Variants in GRID2 observed in about 807,000 individuals in gnomAD.
The protein encoded by GRID2 is glutamate receptor ionotropic, delta-2.
Under a neutral mutation model 114.8 loss-of-function variants are expected in GRID2, and 33 were observed. The ratio of observed to expected loss-of-function variants is 0.29; its 90% confidence interval spans 0.22 to 0.38. The LOEUF (loss-of-function observed/expected upper bound fraction) is 0.38. Among genes scored for constraint, GRID2 ranks in the 10% least tolerant of loss-of-function variants. The pLI is 1.00. For missense variants in GRID2, 1,184 were observed against 1,257.7 expected (o/e 0.94, Z 0.89); for synonymous variants, 505 against 449.9 (o/e 1.12, Z -1.55).
chr4:93,152,874 A>T (rs1169829505), intron 4 of GRID2, among the ~76,000 whole-genome samples: 1 of 152,140 alleles, frequency 6.6e-6, no homozygotes, highest in Non-Finnish European at 1.5e-5. Flanking sequence ...GTTTAAAAAA[A>T]TCCTGATGAA....
chr4:93,212,992 C>T (rs1322814149), intron 5 of GRID2, among the ~76,000 whole-genome samples: 2 of 152,008 alleles, frequency 1.3e-5, no homozygotes, highest in East Asian at 3.9e-4. Context: ...AGGCTGGTCT[C>T]GAACTCCTGA....
At chr4:93,730,543 C>T (rs1357633492) in intron 14 of GRID2, among the ~76,000 whole-genome samples, 1 of 152,170 alleles carries the variant, frequency 6.6e-6, no homozygotes, top group Non-Finnish European at 1.5e-5. Context: ...AACTGGAGAG[C>T]CAAGAGAGCA....
At chr4:92,766,001 T>A (rs1738245602) in intron 2 of GRID2, among the ~76,000 whole-genome samples, 1 of 151,562 alleles carries the variant, frequency 6.6e-6, no homozygotes, top group Non-Finnish European at 1.5e-5. Context: ...ACTTATTATA[T>A]GTAAGTGATC....
At chr4:92,353,433 A>G (rs1728168282) in intron 1 of GRID2, among the ~76,000 whole-genome samples, 1 of 151,908 alleles carries the variant, frequency 6.6e-6, no homozygotes, top group South Asian at 2.1e-4. Context: ...TGACTTTTAA[A>G]TATTAAAATG....
In GRID2 at chr4:92,723,989, G is replaced by A. The variant is rs573350221; in HGVS notation, c.244+133703G>A. 2.0e-5 allele frequency among the ~76,000 whole-genome samples: 3 copies of A among 152,128 alleles called. No homozygotes were observed. The South Asian group carries it at 6.2e-4, about 32-fold the overall frequency. On this transcript the variant is annotated intron_variant, in intron 2 of 15. Coordinates refer to ENST00000282020, the MANE Select transcript of GRID2 (RefSeq NM_001510.4). ...TTTTTCTTTTTTCCACTGTGAATTA[G>A]ATATATTATTAATTCCAAACTAAGC...
intron 1 of GRID2, among the ~76,000 whole-genome samples, chr4:92,579,311 A>G (rs1277065119): frequency 6.6e-6 from 1 of 152,022 alleles, no homozygotes; most frequent in Non-Finnish European, 1.5e-5. Flanking sequence ...CGCTTTTAAC[A>G]TGGCCCACAA....
chr4:92,796,383 T>A (rs7660593), intron 2 of GRID2, among the ~76,000 whole-genome samples: 2,202 of 152,014 alleles, frequency 0.014, 44 homozygotes, highest in African/African-American at 0.05. Context: ...GGAACCAGTA[T>A]AGAAAAAGAA....
chr4:93,283,154 C>T (rs183020183), intron 8 of GRID2, among the ~76,000 whole-genome samples: 2 of 152,174 alleles, frequency 1.3e-5, no homozygotes, highest in African/African-American at 2.4e-5. Context: ...CATCCACAAC[C>T]ACTTGCCCTA....
At chr4:93,095,128 T>A (rs1040340379) in intron 3 of GRID2, among the ~76,000 whole-genome samples, 6 of 151,750 alleles carry the variant, frequency 4.0e-5, no homozygotes, top group African/African-American at 1.5e-4. Context: ...CATTTTTAAT[T>A]TTTTTTTAAG....
intron 1 of GRID2, among the ~76,000 whole-genome samples, chr4:92,451,405 A>G (rs1204442095): frequency 6.6e-6 from 1 of 152,176 alleles, no homozygotes; most frequent in East Asian, 1.9e-4. Context: ...ATTTTGAAAG[A>G]TAAAACAGAG....
chr4:92,481,264 C>T (rs1722574474), intron 1 of GRID2, among the ~76,000 whole-genome samples: 1 of 151,658 alleles, frequency 6.6e-6, no homozygotes, highest in Admixed American at 6.6e-5. Context: ...TATAGAGTAC[C>T]CTTAAAGTTC....
chr4:93,175,701 G>C (rs902314958), intron 4 of GRID2, among the ~76,000 whole-genome samples: 1 of 152,134 alleles, frequency 6.6e-6, no homozygotes, highest in African/African-American at 2.4e-5. Flanking sequence ...TAGACTCATG[G>C]AAAGAAGAAT....
intron 14 of GRID2, among the ~76,000 whole-genome samples, chr4:93,661,859 G>A (rs577841667): frequency 6.6e-5 from 10 of 152,260 alleles, no homozygotes; most frequent in Admixed American, 2.6e-4. Flanking sequence ...TATATAAACC[G>A]TAAGTGAGAT....
At chr4:92,465,999 T>C (rs990771527) in intron 1 of GRID2, among the ~76,000 whole-genome samples, 1 of 151,782 alleles carries the variant, frequency 6.6e-6, no homozygotes, top group Admixed American at 6.6e-5. Flanking sequence ...AATATACATA[T>C]TTTAAATTGA....
intron 4 of GRID2, among the ~76,000 whole-genome samples, chr4:93,121,822 C>G (rs1440182126): frequency 6.6e-6 from 1 of 152,214 alleles, no homozygotes; most frequent in East Asian, 1.9e-4. Context: ...CTGTCGTCAT[C>G]ATTTTATTTT....
At chr4:93,579,384 C>T (rs1736746372) in intron 13 of GRID2, among the ~76,000 whole-genome samples, 1 of 152,044 alleles carries the variant, frequency 6.6e-6, no homozygotes, top group Non-Finnish European at 1.5e-5. Flanking sequence ...ATATTCCAGT[C>T]CTGACAGCTG....
rs574190202 is a variant in GRID2, at chr4:92,397,477, G to C, written c.88+92733G>C. 3.2e-3 allele frequency among the ~76,000 whole-genome samples: 481 copies of C among 150,146 alleles called. 2 individuals carry two copies. Among genetic ancestry groups the C allele is most frequent in the African/African-American group, 0.011 (444 of 40,758 alleles). On this transcript the variant is annotated intron_variant, in intron 1 of 15. Transcript: ENST00000282020. ...TCAAGAGTCAAAAAATATAATAGAA[G>C]GCATGCCTAATACATTGTTTACTAT...
chr4:93,613,102 A>G (rs1395047018), intron 13 of GRID2, among the ~76,000 whole-genome samples: 4 of 142,460 alleles, frequency 2.8e-5, no homozygotes, highest in Non-Finnish European at 4.7e-5. Flanking sequence ...AGTTGATTGC[A>G]TCGGCTCCTG....
chr4:92,316,289 T>C (rs779456401), intron 1 of GRID2, among the ~76,000 whole-genome samples: 22 of 152,182 alleles, frequency 1.4e-4, no homozygotes, highest in Non-Finnish European at 2.9e-4. Context: ...AGAACCATTA[T>C]ACATTTCTTC....
Sources: allele counts gnomAD v4.1 joint callset (sites outside exome capture counted in the v4.1 genomes callset), GRCh38; gene constraint gnomAD v4.1.1; transcripts MANE v1.5; gene names NCBI Gene and HGNC (gene_info 2026-07-23, HGNC 2026-07-21).